RPS6KC1: variants seen among roughly 807,000 people sequenced by gnomAD.
RPS6KC1 encodes the protein ribosomal protein S6 kinase C1.
RPS6KC1 carries 54 observed loss-of-function variants against 103.8 expected under a neutral mutation model. The observed-to-expected ratio is 0.52, with a 90% CI of 0.42 to 0.65. The LOEUF (loss-of-function observed/expected upper bound fraction) is 0.65, where lower values mean the gene tolerates loss of function less well. Ranked by LOEUF, RPS6KC1 falls within the 30% of genes least tolerant of loss-of-function variation. The pLI, the probability that RPS6KC1 is intolerant of heterozygous loss-of-function variation, is 0.00. For missense variants in RPS6KC1, 1,151 were observed against 1,253.8 expected, an observed-to-expected ratio of 0.92 and a Z score of 1.24; for synonymous variants, 439 against 438.7, an observed-to-expected ratio of 1.00 and a Z score of -0.01.
At chr1:213,167,412 G>T (rs2091057046) in intron 6 of RPS6KC1, among the ~76,000 whole-genome samples, 4 of 139,648 alleles carry the variant, frequency 2.9e-5, no homozygotes, top group Admixed American at 2.3e-4. Flanking sequence ...TGTAGGATTT[G>T]GTTTTTAGAA....
At chr1:213,477,047 A>T in the RPS6KC1 span, among the ~76,000 whole-genome samples, 295 of 152,304 alleles carry the variant, frequency 1.9e-3, no homozygotes, top group South Asian at 1.9e-3. Flanking sequence ...GGTGGTGGTG[A>T]GACCTTCCCC....
intron 6 of RPS6KC1, among the ~76,000 whole-genome samples, chr1:213,151,602 G>A (rs1469230255): frequency 4.5e-5 from 4 of 89,000 alleles, no homozygotes; most frequent in Admixed American, 8.9e-5. Context: ...GCGGGGGGCT[G>A]ACCCCCCCAC....
the RPS6KC1 span, among the ~76,000 whole-genome samples, chr1:213,542,851 C>T: frequency 1.3e-5 from 2 of 152,192 alleles, no homozygotes; most frequent in Non-Finnish European, 2.9e-5. Context: ...GCAGTTAAAT[C>T]CCACAGGTAA....
chr1:213,068,658 C>T (rs1457280487), intron 1 of RPS6KC1, among the ~76,000 whole-genome samples: 2 of 151,772 alleles, frequency 1.3e-5, no homozygotes, highest in East Asian at 1.9e-4. Context: ...GTTATAGTCT[C>T]TTATACTGAA....
At chr1:213,395,002 C>T in the RPS6KC1 span, among the ~76,000 whole-genome samples, 4 of 152,184 alleles carry the variant, frequency 2.6e-5, no homozygotes, top group Non-Finnish European at 2.9e-5. Context: ...TCTGTTCTTC[C>T]CAGTTCTCTA....
chr1:213,260,445 G>C, intron 12 of RPS6KC1, among the ~76,000 whole-genome samples: 1 of 152,190 alleles, frequency 6.6e-6, no homozygotes, highest in East Asian at 1.9e-4. Flanking sequence ...TTTCTGGTCC[G>C]TATGACTTTT....
chr1:213,307,759 T>G, the RPS6KC1 span, among the ~76,000 whole-genome samples: 2 of 152,162 alleles, frequency 1.3e-5, no homozygotes, highest in African/African-American at 4.8e-5. Flanking sequence ...CCATAGGATC[T>G]ATACAGTGAA....
intron 1 of RPS6KC1, among the ~76,000 whole-genome samples, chr1:213,058,668 C>T (rs780275582): frequency 4.6e-5 from 7 of 152,040 alleles, no homozygotes; most frequent in Non-Finnish European, 8.8e-5. Flanking sequence ...TAGCTTTATA[C>T]TATATCTTAA....
the RPS6KC1 span, among the ~76,000 whole-genome samples, chr1:213,426,488 C>T: frequency 6.6e-6 from 1 of 152,132 alleles, no homozygotes; most frequent in Non-Finnish European, 1.5e-5. Context: ...GTAGCTCAGC[C>T]ATTATTTGTA....
the RPS6KC1 span, among the ~76,000 whole-genome samples, chr1:213,416,637 T>C: frequency 6.6e-6 from 1 of 152,180 alleles, no homozygotes; most frequent in Non-Finnish European, 1.5e-5. Context: ...CCTGTCACAG[T>C]CCCACTGCCA....
At chr1:213,727,949 C>T in the RPS6KC1 span, among the ~76,000 whole-genome samples, 1 of 152,124 alleles carries the variant, frequency 6.6e-6, no homozygotes, top group African/African-American at 2.4e-5. Flanking sequence ...CTAAGAGGAA[C>T]GCCTGACCTT....
the RPS6KC1 span, among the ~76,000 whole-genome samples, chr1:213,781,889 C>A: frequency 3.9e-5 from 6 of 152,150 alleles, no homozygotes; most frequent in Admixed American, 6.5e-5. Context: ...GGATTCAGAA[C>A]ATTGGCAAAT....
At chr1:213,169,781 G>GTTTT (rs67593764) in intron 7 of RPS6KC1, among the ~76,000 whole-genome samples, 2 of 133,906 alleles carry the variant, frequency 1.5e-5, no homozygotes, top group Non-Finnish European at 3.2e-5. Context: ...AAATTTTTAA[G>GTTTT]TTTTTTTTTT....
chr1:213,835,854 T>A, the RPS6KC1 span: 1 of 152,158 alleles, frequency 6.6e-6, no homozygotes, highest in Admixed American at 6.5e-5. Context: ...TTAACTCACA[T>A]CACGGCTCCT....
chr1:213,713,996 C>T, the RPS6KC1 span, among the ~76,000 whole-genome samples: 14 of 152,308 alleles, frequency 9.2e-5, no homozygotes, highest in South Asian at 2.5e-3. Flanking sequence ...AGACTTTACA[C>T]ATATTTTAGA....
At chr1:213,479,212 C>T in the RPS6KC1 span, among the ~76,000 whole-genome samples, 1 of 151,912 alleles carries the variant, frequency 6.6e-6, no homozygotes, top group East Asian at 1.9e-4. Context: ...TCTCATTGTG[C>T]TTGTATGAGA....
At chr1:213,546,173 A>G in the RPS6KC1 span, 1 of 152,374 alleles carries the variant, frequency 6.6e-6, no homozygotes, top group East Asian at 1.9e-4. Context: ...TTATTAATTC[A>G]ACAAAAATTT....
chr1:213,545,893 C>T, the RPS6KC1 span, among the ~76,000 whole-genome samples: 1 of 152,284 alleles, frequency 6.6e-6, no homozygotes, highest in East Asian at 1.9e-4. Context: ...GGGATGGGGG[C>T]TTCTTCCATG....
chr1:213,496,279 A>G, the RPS6KC1 span, among the ~76,000 whole-genome samples: 3 of 152,256 alleles, frequency 2.0e-5, no homozygotes, highest in African/African-American at 7.2e-5. Flanking sequence ...TAAAACATAA[A>G]GTGTCTCAGA....
Sources: allele counts gnomAD v4.1 joint callset (sites outside exome capture counted in the v4.1 genomes callset), GRCh38; gene constraint gnomAD v4.1.1; transcripts MANE v1.5; gene names NCBI Gene and HGNC (gene_info 2026-07-23, HGNC 2026-07-21).